Variants in ADGRL2 observed in about 807,000 individuals in gnomAD.
ADGRL2 encodes the protein calcium-independent alpha-latrotoxin receptor 2.
In ADGRL2, 44 loss-of-function variants were observed where a neutral mutation model predicts 157.4. The ratio of observed to expected loss-of-function variants is 0.28; its 90% CI spans 0.22 to 0.36. ADGRL2 has a LOEUF of 0.36. ADGRL2 is among the 10% of genes least tolerant of loss of function. ADGRL2 has a pLI of 1.00. For missense variants in ADGRL2, 1,510 were observed against 1,768.9 expected, an observed-to-expected ratio of 0.85 and a Z score of 2.63; for synonymous variants, 585 against 624.7, an observed-to-expected ratio of 0.94 and a Z score of 0.95.
intron 1 of ADGRL2, among the ~76,000 whole-genome samples, chr1:81,715,515 T>C (rs61773257): frequency 0.011 from 1,695 of 152,268 alleles, 8 homozygotes; most frequent in Non-Finnish European, 0.018. Flanking sequence ...AAAATCATCC[T>C]TATGAATCTT....
At chr1:81,478,417 A>G (rs2078317562) in intron 2 of ADGRL2, among the ~76,000 whole-genome samples, 1 of 152,222 alleles carries the variant, frequency 6.6e-6, no homozygotes, top group Non-Finnish European at 1.5e-5. Context: ...AGCTGGCTAC[A>G]GCTAGACGAC....
chr1:81,372,716 A>G (rs1407733464), intron 1 of ADGRL2, among the ~76,000 whole-genome samples: 1 of 152,202 alleles, frequency 6.6e-6, no homozygotes, highest in Non-Finnish European at 1.5e-5. Context: ...AATGTACATA[A>G]CTAGGCAGTT....
At chr1:81,819,851 G>A (rs1231501996) in intron 1 of ADGRL2, among the ~76,000 whole-genome samples, 1 of 152,088 alleles carries the variant, frequency 6.6e-6, no homozygotes, top group Non-Finnish European at 1.5e-5. Context: ...GGTTTCCTTA[G>A]ATACCAGCCT....
chr1:81,320,844 G>A (rs957069224), intron 1 of ADGRL2, among the ~76,000 whole-genome samples: 3 of 152,206 alleles, frequency 2.0e-5, no homozygotes, highest in Non-Finnish European at 2.9e-5. Flanking sequence ...AGTGGTAAAT[G>A]AGCATTGGCT....
intron 6 of ADGRL2, among the ~76,000 whole-genome samples, chr1:81,948,075 G>A (rs1650471964): frequency 6.6e-6 from 1 of 151,918 alleles, no homozygotes; most frequent in Non-Finnish European, 1.5e-5. Context: ...AAATTAGCAG[G>A]GTGTGGTGGT....
rs749455861 is a variant in ADGRL2 at position 81,990,982 on chromosome 1, A to T, written c.4247A>T (p.Tyr1416Phe). Residue 1416 changes from tyrosine (Y) to phenylalanine (F), a missense_variant, in exon 24 of 24, where the codon TAC (tyrosine) becomes TTC (phenylalanine). By Grantham distance (22) the Tyr-to-Phe change is conservative. This residue lies in a region of ADGRL2 where 327 missense variants were observed against 310.1 expected (regional missense o/e 1.05). Coordinates refer to ENST00000686636, the MANE Select transcript of ADGRL2 (RefSeq NM_001366006.2). ...AGGAGGAGTGAGAATGAGGACATTT[A>T]CTATAAAAGCATGCCAAATCTTGGA... is the stretch of plus-strand genomic sequence containing the variant. Reference protein sequence around the residue: ...PSRRSENEDIYYKSMPNLGAG... With the variant: ...PSRRSENEDIFYKSMPNLGAG... 1 of 1,614,098 alleles carries T rather than the reference A, an allele frequency of 6.2e-7. No individual in the cohort carries two copies. Among genetic ancestry groups the T allele is most frequent in the Non-Finnish European group, 8.5e-7 (1 of 1,179,996 alleles).
chr1:81,827,791 C>T lies in ADGRL2; in HGVS notation c.-100-9094C>T, dbSNP rs150314314. ...AGTTGTCCAGGCTGGTCTCGAACTCCTGACCTCAGCCAATCCACCGGCCTC... is the reference window on the plus strand; with the variant it reads ...AGTTGTCCAGGCTGGTCTCGAACTCTTGACCTCAGCCAATCCACCGGCCTC... On this transcript the variant is annotated intron_variant, in intron 1 of 23. Coordinates refer to ENST00000686636, the MANE Select transcript of ADGRL2 (RefSeq NM_001366006.2). 3.1e-3 allele frequency among the ~76,000 whole-genome samples: 475 copies of T among 152,216 alleles called. 3 individuals are homozygous for T. Among genetic ancestry groups the T allele is most frequent in the African/African-American group, 0.01 (426 of 41,518 alleles).
intron 2 of ADGRL2, among the ~76,000 whole-genome samples, chr1:81,558,380 C>A (rs66832033): frequency 0.12 from 17,825 of 152,128 alleles, 1,199 homozygotes; most frequent in Non-Finnish European, 0.15. Context: ...AAAAAAATTT[C>A]TCACATGAAT....
upstream of ADGRL2, among the ~76,000 whole-genome samples, chr1:81,797,252 C>G (rs1046186812): frequency 6.6e-6 from 1 of 152,086 alleles, no homozygotes; most frequent in South Asian, 2.1e-4. Context: ...AGTCATTCCA[C>G]GTGTTTTTTG....
chr1:81,355,351 TC>T (rs1026358351), intron 1 of ADGRL2, among the ~76,000 whole-genome samples: 13 of 152,152 alleles, frequency 8.5e-5, no homozygotes, highest in African/African-American at 3.1e-4. Context: ...AGAGTGAGAC[TC>T]AGTCTCAAAA....
intron 1 of ADGRL2, among the ~76,000 whole-genome samples, chr1:81,718,461 T>TAA (rs34448377): frequency 2.7e-4 from 39 of 146,932 alleles, no homozygotes; most frequent in African/African-American, 9.2e-4. Context: ...AATGTAGCAT[T>TAA]AAAAAAAAAA....
chr1:81,411,879 TAAA>T (rs35681432), intron 1 of ADGRL2, among the ~76,000 whole-genome samples: 43 of 131,758 alleles, frequency 3.3e-4, no homozygotes, highest in African/African-American at 1.1e-3. Flanking sequence ...GACTCCGTCT[TAAA>T]AAAAAAAAAA....
chr1:81,501,183 G>T (rs2078838228), intron 2 of ADGRL2, among the ~76,000 whole-genome samples: 1 of 152,198 alleles, frequency 6.6e-6, no homozygotes, highest in African/African-American at 2.4e-5. Flanking sequence ...ATAGAGAAAT[G>T]CAAGTATAAA....
intron 1 of ADGRL2, among the ~76,000 whole-genome samples, chr1:81,412,735 G>A (rs2076967963): frequency 6.6e-6 from 1 of 152,162 alleles, no homozygotes; most frequent in South Asian, 2.1e-4. Context: ...TTGGGTGAAG[G>A]ATGTATAGAT....
intron 2 of ADGRL2, chr1:81,503,482 A>G (rs1296708788): frequency 1.9e-6 from 3 of 1,610,418 alleles, no homozygotes; most frequent in Non-Finnish European, 2.5e-6. Flanking sequence ...GGCAGGACCC[A>G]GCTTTCCACT....
rs572534172 is a variant in ADGRL2 at position 81,342,597 on chromosome 1, A to G, written c.-302+36088A>G. Among the ~76,000 whole-genome samples the G allele has an allele frequency of 1.6e-4, 24 of 152,214 alleles. 1 individual carries two copies. Among genetic ancestry groups the G allele is most frequent in the Admixed American group, 1.6e-3 (24 of 15,280 alleles). On this transcript the variant is annotated intron_variant, in intron 1 of 24. Transcript: ENST00000370721. The stretch of plus-strand genomic sequence containing the variant: ...GTGGAATTCAAATTTACTTTGGTCA[A>G]TCACTCTAATAGGTTTTAAAAAATC...
At chr1:81,985,078 T>C (rs997268254) in intron 20 of ADGRL2, among the ~76,000 whole-genome samples, 181 bp from the exon 21 acceptor site, 2 of 152,072 alleles carry the variant, frequency 1.3e-5, no homozygotes, top group Non-Finnish European at 2.9e-5. Context: ...AAATGCCCCT[T>C]AGTTGCTTAG....
At chr1:81,463,023 G>A (rs2077971474) in intron 2 of ADGRL2, among the ~76,000 whole-genome samples, 3 of 150,382 alleles carry the variant, frequency 2.0e-5, no homozygotes, top group South Asian at 4.2e-4. Flanking sequence ...GCTGAGGCAG[G>A]AAGATTGCCT....
intron 2 of ADGRL2, among the ~76,000 whole-genome samples, chr1:81,564,865 G>A (rs1252772932): frequency 1.3e-5 from 2 of 152,118 alleles, no homozygotes; most frequent in African/African-American, 2.4e-5. Context: ...AAAATTTCCT[G>A]AATGAATGTC....
Sources: allele counts gnomAD v4.1 joint callset (sites outside exome capture counted in the v4.1 genomes callset), GRCh38; gene constraint gnomAD v4.1.1; regional missense constraint gnomAD v4.1.1; transcripts MANE v1.5; gene names NCBI Gene and HGNC (gene_info 2026-07-23, HGNC 2026-07-21).